The following NUBPL variants were observed in gnomAD, a reference collection of about 807,000 sequenced individuals.
NUBPL encodes NUBP iron-sulfur cluster assembly factor, mitochondrial.
Under a neutral mutation model 45.7 loss-of-function variants are expected in NUBPL, and 31 were observed. The ratio of observed to expected loss-of-function variants is 0.68; its 90% CI spans 0.51 to 0.92. The LOEUF is 0.92. Ranked by LOEUF, NUBPL falls within the 40% of genes least tolerant of loss-of-function variation. The pLI, the probability that NUBPL is intolerant of heterozygous loss-of-function variation, is 0.00. For missense variants in NUBPL, 401 were observed against 398.7 expected (o/e 1.01, Z -0.05); for synonymous variants, 144 against 140.9 (o/e 1.02, Z -0.15).
At chr14:31,788,245 T>TC (rs2039319634) in intron 7 of NUBPL, among the ~76,000 whole-genome samples, 1 of 152,128 alleles carries the variant, frequency 6.6e-6, no homozygotes, top group South Asian at 2.1e-4. Context: ...CAGCAAGGGT[T>TC]AAGTAGTAGC....
At chr14:31,675,943 T>C (rs1393541101) in intron 6 of NUBPL, among the ~76,000 whole-genome samples, 1 of 152,156 alleles carries the variant, frequency 6.6e-6, no homozygotes, top group Non-Finnish European at 1.5e-5. Context: ...CCCATACCCA[T>C]AGACAATCAT....
chr14:31,581,968 A>G (rs1343843823), intron 3 of NUBPL, among the ~76,000 whole-genome samples: 2 of 152,214 alleles, frequency 1.3e-5, no homozygotes, highest in Middle Eastern at 3.2e-3. Context: ...ATTGATTTTT[A>G]ATGTTTTAAT....
chr14:31,853,999 A>G (rs186612904), intron 10 of NUBPL, among the ~76,000 whole-genome samples: 3 of 152,364 alleles, frequency 2.0e-5, no homozygotes, highest in Admixed American at 1.3e-4. Flanking sequence ...TCAAGTAAGA[A>G]TATTAGCTAC....
chr14:31,583,009 C>T (rs1429158359), intron 3 of NUBPL, among the ~76,000 whole-genome samples: 1 of 152,160 alleles, frequency 6.6e-6, no homozygotes, highest in Non-Finnish European at 1.5e-5. Flanking sequence ...AAATTCCCTG[C>T]AAGGCTGCTA....
intron 4 of NUBPL, among the ~76,000 whole-genome samples, chr14:31,641,112 C>A (rs958804345): frequency 6.6e-6 from 1 of 151,784 alleles, no homozygotes; most frequent in Non-Finnish European, 1.5e-5. Flanking sequence ...CCACCACGCC[C>A]AGCTAATTTT....
intron 6 of NUBPL, among the ~76,000 whole-genome samples, chr14:31,698,918 G>A (rs1458055385): frequency 6.6e-6 from 1 of 150,896 alleles, no homozygotes; most frequent in Non-Finnish European, 1.5e-5. Flanking sequence ...GCAGTGGCAC[G>A]ATCTCGGCTC....
At chr14:31,812,265 A>G (rs2039821637) in intron 7 of NUBPL, among the ~76,000 whole-genome samples, 6 of 152,154 alleles carry the variant, frequency 3.9e-5, no homozygotes, top group Non-Finnish European at 8.8e-5. Context: ...CTACAGAGAC[A>G]TTTGGGCCTC....
At chr14:31,756,397 C>T (rs556795269) in intron 6 of NUBPL, among the ~76,000 whole-genome samples, 30 of 152,152 alleles carry the variant, frequency 2.0e-4, no homozygotes, top group Non-Finnish European at 2.6e-4. Flanking sequence ...TTGTAGTTCT[C>T]CTTGAAGAGG....
At chr14:31,694,949 G>A (rs1023316216) in intron 6 of NUBPL, among the ~76,000 whole-genome samples, 2 of 152,192 alleles carry the variant, frequency 1.3e-5, no homozygotes, top group African/African-American at 2.4e-5. Flanking sequence ...CTTTTGACTT[G>A]TAATAATAAG....
intron 3 of NUBPL, 126 bp from the exon 4 acceptor site, chr14:31,599,163 T>C (rs2139556149): frequency 6.8e-6 from 5 of 739,434 alleles, no homozygotes; most frequent in Middle Eastern, 3.7e-4. Flanking sequence ...ATTTGTAATA[T>C]TTTGCCAATT....
rs372113229 is a variant in NUBPL at position 31,753,685 on chromosome 14, A to G, written c.514-34095A>G. Among the ~76,000 whole-genome samples the G allele has an allele frequency of 1.4e-4, 22 of 152,210 alleles. 1 individual carries two copies. Among genetic ancestry groups the G allele is most frequent in the African/African-American group, 5.3e-4 (22 of 41,536 alleles). On this transcript the variant is annotated intron_variant, in intron 6 of 10. Transcript: ENST00000281081. The stretch of plus-strand genomic sequence containing the variant: ...TGGGGGTTGCCAGTGTGAATTTTTT[A>G]TCTGGAGCAGAGCAGCTGTGTGGAC...
chr14:31,589,737 T>G (rs539955650), intron 3 of NUBPL, among the ~76,000 whole-genome samples: 1 of 152,248 alleles, frequency 6.6e-6, no homozygotes, highest in East Asian at 1.9e-4. Context: ...TGCTCCCCCG[T>G]CCAACCCCTG....
intron 7 of NUBPL, among the ~76,000 whole-genome samples, chr14:31,809,844 A>T (rs1325045937): frequency 1.1e-4 from 16 of 151,618 alleles, no homozygotes; most frequent in South Asian, 2.1e-4. Flanking sequence ...TTCAAAGAAC[A>T]TTTTTATTTC....
At chr14:31,743,214 AT>A in intron 6 of NUBPL, among the ~76,000 whole-genome samples, 1 of 152,134 alleles carries the variant, frequency 6.6e-6, no homozygotes, top group East Asian at 1.9e-4. Flanking sequence ...TCATACCTTC[AT>A]CTTTCTTGTC....
intron 6 of NUBPL, among the ~76,000 whole-genome samples, chr14:31,694,954 A>C (rs1315796481): frequency 6.6e-6 from 1 of 152,262 alleles, no homozygotes; most frequent in East Asian, 1.9e-4. Context: ...GACTTGTAAT[A>C]ATAAGCAAGA....
At position 31,859,348 on chromosome 14, in the gene NUBPL, G is replaced by A; in HGVS notation, c.*168G>A. Reference sequence around the variant, plus strand: ...GCTAAGCTAAGGTTCACAAAACTTTGATGTATCAATGTTAACTGCTATATT... The same window carrying A: ...GCTAAGCTAAGGTTCACAAAACTTTAATGTATCAATGTTAACTGCTATATT... On this transcript the variant is annotated 3_prime_UTR_variant, in exon 11 of 11. Coordinates refer to ENST00000281081, the MANE Select transcript of NUBPL (RefSeq NM_025152.3). The A allele has an allele frequency of 1.5e-6, 1 of 680,162 alleles. No homozygotes were observed. Among genetic ancestry groups the A allele is most frequent in the Non-Finnish European group, 2.6e-6 (1 of 380,442 alleles). The allele number at this position is 680,162 out of a possible 1,614,324, so 42.1% of individuals were successfully genotyped here. A position where few individuals can be genotyped will look rare whatever the true frequency, so the allele number is the denominator to read the frequency against.
chr14:31,692,166 A>G (rs1182039728), intron 6 of NUBPL, among the ~76,000 whole-genome samples: 3 of 152,082 alleles, frequency 2.0e-5, no homozygotes, highest in Admixed American at 6.6e-5. Context: ...ATTTCCTTTT[A>G]TTTTCTATTT....
intron 7 of NUBPL, among the ~76,000 whole-genome samples, chr14:31,811,909 AG>A (rs1231084564): frequency 1.3e-5 from 2 of 152,194 alleles, no homozygotes; most frequent in Non-Finnish European, 2.9e-5. Flanking sequence ...TTTTGCTAGA[AG>A]TCCACTTCAG....
At chr14:31,764,525 T>C (rs1456904296) in intron 6 of NUBPL, among the ~76,000 whole-genome samples, 2 of 152,214 alleles carry the variant, frequency 1.3e-5, no homozygotes, top group African/African-American at 2.4e-5. Flanking sequence ...ACTTTACATA[T>C]GCATATTAAT....
Sources: gnomAD v4.1 joint callset for allele counts (sites outside exome capture counted in the v4.1 genomes callset) on GRCh38, gnomAD v4.1.1 for gene constraint, MANE v1.5 for transcripts, NCBI Gene and HGNC (gene_info 2026-07-23, HGNC 2026-07-21) for gene names.